Variants in LRFN2 observed in about 807,000 individuals in gnomAD.
LRFN2 encodes the protein leucine-rich repeat and fibronectin type-III domain-containing protein 2.
Under a neutral mutation model 37.3 loss-of-function variants are expected in LRFN2, and 18 were observed. The observed-to-expected ratio is 0.48, with a 90% CI of 0.33 to 0.72. The LOEUF is 0.72. Among genes scored for constraint, LRFN2 ranks in the 30% least tolerant of loss-of-function variants. LRFN2 has a pLI of 0.02. For synonymous variants in LRFN2, 556 were observed against 466.6 expected (o/e 1.19, Z -2.47); for missense variants, 1,006 against 1,060.7 (o/e 0.95, Z 0.72).
intron 1 of LRFN2, among the ~76,000 whole-genome samples, chr6:40,511,868 A>G (rs1765717167): frequency 6.6e-6 from 1 of 152,206 alleles, no homozygotes; most frequent in Non-Finnish European, 1.5e-5. Flanking sequence ...GAAATGCAAG[A>G]GGTGTAGGTT....
intron 1 of LRFN2, among the ~76,000 whole-genome samples, chr6:40,442,020 AGATCCAAGTGCC>A (rs1264399898): frequency 2.6e-5 from 4 of 152,140 alleles, no homozygotes; most frequent in Admixed American, 2.6e-4. Context: ...CTTCCCCAGC[AGATCCAAGTGCC>A]AGGCCCTAGG....
chr6:40,514,273 A>G (rs1765793989), intron 1 of LRFN2, among the ~76,000 whole-genome samples: 1 of 152,168 alleles, frequency 6.6e-6, no homozygotes, highest in Non-Finnish European at 1.5e-5. Context: ...TATTTTATAC[A>G]TAGTGTATGT....
chr6:40,555,881 A>G (rs1397431072), intron 1 of LRFN2, among the ~76,000 whole-genome samples: 1 of 152,070 alleles, frequency 6.6e-6, no homozygotes, highest in African/African-American at 2.4e-5. Context: ...ATGTCCATAT[A>G]ATTTCTTATC....
intron 1 of LRFN2, among the ~76,000 whole-genome samples, chr6:40,478,940 T>C (rs981253136): frequency 2.0e-5 from 3 of 152,198 alleles, no homozygotes; most frequent in African/African-American, 7.2e-5. Flanking sequence ...ACCACTCCCT[T>C]CTCTGGGCTT....
At chr6:40,415,759 T>G (rs1172589018) in intron 2 of LRFN2, among the ~76,000 whole-genome samples, 1 of 152,202 alleles carries the variant, frequency 6.6e-6, no homozygotes, top group Non-Finnish European at 1.5e-5. Flanking sequence ...TTCCCATGTG[T>G]GGCCCAGACT....
At chr6:40,414,029 C>G (rs1053325214) in intron 2 of LRFN2, among the ~76,000 whole-genome samples, 3 of 152,170 alleles carry the variant, frequency 2.0e-5, no homozygotes, top group Admixed American at 2.0e-4. Flanking sequence ...CTCGTCTCAC[C>G]CCCTCAATCC....
chr6:40,558,030 C>T (rs941697338), intron 1 of LRFN2, among the ~76,000 whole-genome samples: 3 of 152,198 alleles, frequency 2.0e-5, no homozygotes, highest in African/African-American at 7.2e-5. Flanking sequence ...TATATTCCAG[C>T]AGTGGGGGTC....
intron 1 of LRFN2, among the ~76,000 whole-genome samples, chr6:40,461,899 T>C (rs777631749): frequency 6.6e-6 from 1 of 152,180 alleles, no homozygotes; most frequent in Non-Finnish European, 1.5e-5. Context: ...AAAAATGTGG[T>C]CATAGGCTAT....
At chr6:40,418,280 A>C (rs1370283654) in intron 2 of LRFN2, among the ~76,000 whole-genome samples, 1 of 152,084 alleles carries the variant, frequency 6.6e-6, no homozygotes, top group Non-Finnish European at 1.5e-5. Flanking sequence ...CACTCCTTAC[A>C]GAGGCGATTC....
At chr6:40,488,692 A>G (rs1765023484) in intron 1 of LRFN2, among the ~76,000 whole-genome samples, 1 of 152,086 alleles carries the variant, frequency 6.6e-6, no homozygotes, top group African/African-American at 2.4e-5. Context: ...CATGATCCCT[A>G]CAACCTTTAG....
At chr6:40,422,121 T>G (rs1242532050) in intron 2 of LRFN2, among the ~76,000 whole-genome samples, 1 of 152,160 alleles carries the variant, frequency 6.6e-6, no homozygotes, top group Admixed American at 6.5e-5. Context: ...GTGTTTTGTT[T>G]CCAAAGTGTT....
intron 1 of LRFN2, among the ~76,000 whole-genome samples, chr6:40,482,944 T>C (rs1387945176): frequency 6.6e-6 from 1 of 152,216 alleles, no homozygotes; most frequent in Non-Finnish European, 1.5e-5. Context: ...CACTGCCAGC[T>C]CCCTGTCCCT....
At chr6:40,476,811 G>T (rs1364298886) in intron 1 of LRFN2, among the ~76,000 whole-genome samples, 2 of 152,218 alleles carry the variant, frequency 1.3e-5, no homozygotes, top group Non-Finnish European at 2.9e-5. Flanking sequence ...GCCCAGAACA[G>T]GCCTCGGATG....
rs944165892 is a variant in LRFN2 at position 40,503,554 on chromosome 6, C to G, written c.-18-70423G>C. Among the ~76,000 whole-genome samples the G allele has an allele frequency of 2.0e-5, 3 of 152,298 alleles. No individual in the cohort carries two copies. In the East Asian group the frequency reaches 5.8e-4, roughly 29 times the overall value. ...CTTTTAAGACATCCAAGAAGAGATC[C>G]TGAGTAGAGTTGACAGTGCAGATCG... On this transcript the variant is annotated intron_variant, in intron 1 of 2. Transcript: ENST00000338305.
At chr6:40,469,196 G>A (rs964018917) in intron 1 of LRFN2, among the ~76,000 whole-genome samples, 4 of 152,118 alleles carry the variant, frequency 2.6e-5, no homozygotes, top group Non-Finnish European at 5.9e-5. Context: ...CACAAGCCAA[G>A]GAACACCCGG....
At chr6:40,543,447 A>G (rs986554237) in intron 1 of LRFN2, among the ~76,000 whole-genome samples, 1 of 152,132 alleles carries the variant, frequency 6.6e-6, no homozygotes, top group Non-Finnish European at 1.5e-5. Context: ...GAACATCTGT[A>G]TCTTCCCCAC....
intron 1 of LRFN2, among the ~76,000 whole-genome samples, chr6:40,530,848 C>A (rs1766329748): frequency 1.3e-5 from 2 of 152,170 alleles, no homozygotes. Context: ...AAAGCAAATT[C>A]TTTGCTGCTT....
At chr6:40,515,088 T>C (rs1348962298) in intron 1 of LRFN2, among the ~76,000 whole-genome samples, 1 of 152,220 alleles carries the variant, frequency 6.6e-6, no homozygotes, top group Non-Finnish European at 1.5e-5. Context: ...CCATTTATTT[T>C]TGGCATGCTT....
intron 1 of LRFN2, among the ~76,000 whole-genome samples, chr6:40,561,848 C>A (rs1006764157): frequency 6.6e-6 from 1 of 151,784 alleles, no homozygotes; most frequent in African/African-American, 2.4e-5. Flanking sequence ...GCCTGGGAGG[C>A]CCACCCCAGG....
Sources: allele counts gnomAD v4.1 joint callset (sites outside exome capture counted in the v4.1 genomes callset), GRCh38; gene constraint gnomAD v4.1.1; transcripts MANE v1.5; gene names NCBI Gene and HGNC (gene_info 2026-07-23, HGNC 2026-07-21).